Variants in LRP12 observed in about 807,000 individuals in gnomAD.
LRP12 encodes the protein LDL receptor related protein 12, also known as low-density lipoprotein receptor-related protein 12.
LRP12 carries 14 observed loss-of-function variants against 66.0 expected under a neutral mutation model. The observed-to-expected ratio is 0.21, with a 90% confidence interval of 0.14 to 0.33. The LOEUF is 0.33. Ranked by LOEUF, LRP12 falls within the 10% of genes least tolerant of loss-of-function variation. The pLI is 1.00. For missense variants in LRP12, 889 were observed against 1,053.4 expected, an observed-to-expected ratio of 0.84 and a Z score of 2.16; for synonymous variants, 357 against 359.1, an observed-to-expected ratio of 0.99 and a Z score of 0.07.
chr8:104,501,748 T>C (rs1314254022), intron 3 of LRP12, among the ~76,000 whole-genome samples: 3 of 152,122 alleles, frequency 2.0e-5, no homozygotes, highest in Admixed American at 6.5e-5. Flanking sequence ...TAGACATGTG[T>C]ATTGCTAATA....
At chr8:104,518,793 T>C (rs561722255) in intron 2 of LRP12, among the ~76,000 whole-genome samples, 1 of 152,072 alleles carries the variant, frequency 6.6e-6, no homozygotes, top group South Asian at 2.1e-4. Flanking sequence ...TAGTTAATTA[T>C]GGGTAAGATG....
At chr8:104,559,469 G>A (rs895085055) in intron 1 of LRP12, among the ~76,000 whole-genome samples, 26 of 152,066 alleles carry the variant, frequency 1.7e-4, no homozygotes, top group Non-Finnish European at 2.5e-4. Context: ...AGAGTGAGGA[G>A]GGGTGAGCGA....
At chr8:104,503,347 A>G (rs1330792730) in intron 3 of LRP12, among the ~76,000 whole-genome samples, 2 of 150,976 alleles carry the variant, frequency 1.3e-5, no homozygotes, top group Non-Finnish European at 3.0e-5. Context: ...AAAAAAAAAA[A>G]AAAAAAAAAA....
intron 1 of LRP12, among the ~76,000 whole-genome samples, chr8:104,582,939 C>CA (rs1173976761): frequency 1.3e-5 from 2 of 152,120 alleles, no homozygotes; most frequent in Non-Finnish European, 2.9e-5. Context: ...CTTCCCACCC[C>CA]AAAACCTACA....
Position 104,499,522 on chromosome 8 carries a change from G to GA in LRP12, c.273-4dup, listed in dbSNP as rs200847463. On this transcript the variant is annotated splice_polypyrimidine_tract_variant and splice_region_variant and intron_variant, in intron 3 of 6. Coordinates refer to ENST00000276654, the MANE Select transcript of LRP12 (RefSeq NM_013437.5). ...CTTGAATATCAAAATCCTGAAAACT[G>GA]AAAAAAAAATCAGAAATGTCTATTA... 4.5e-3 allele frequency: 6,912 copies of GA among 1,532,084 alleles called. 20 individuals carry two copies. Among genetic ancestry groups the GA allele is most frequent in the Non-Finnish European group, 5.7e-3 (6,439 of 1,138,372 alleles). 94.9% of individuals were successfully genotyped at this position (1,532,084 alleles called of 1,614,324 possible). A position where few individuals can be genotyped will look rare whatever the true frequency, so the allele number is the denominator to read the frequency against.
chr8:104,532,932 A>C (rs1049585507), intron 1 of LRP12, among the ~76,000 whole-genome samples: 1 of 152,086 alleles, frequency 6.6e-6, no homozygotes, highest in Non-Finnish European at 1.5e-5. Context: ...TTAAAATGAA[A>C]TCATGCCCAT....
chr8:104,546,630 G>C (rs1811561870), intron 1 of LRP12, among the ~76,000 whole-genome samples: 1 of 151,776 alleles, frequency 6.6e-6, no homozygotes, highest in East Asian at 1.9e-4. Context: ...CTCAAATCCA[G>C]ATTTACCCAA....
At chr8:104,512,142 C>T (rs1304317596) in intron 2 of LRP12, among the ~76,000 whole-genome samples, 2 of 152,066 alleles carry the variant, frequency 1.3e-5, no homozygotes, top group Non-Finnish European at 2.9e-5. Context: ...CATGGTGAAA[C>T]CCCATCTCTA....
At chr8:104,510,204 T>G (rs1175369829) in intron 2 of LRP12, among the ~76,000 whole-genome samples, 2 of 152,344 alleles carry the variant, frequency 1.3e-5, no homozygotes, top group Non-Finnish European at 2.9e-5. Flanking sequence ...AACAGTAAGA[T>G]GCTGGATTGT....
chr8:104,576,992 AAAG>A (rs1373719539), intron 1 of LRP12, among the ~76,000 whole-genome samples: 6 of 152,246 alleles, frequency 3.9e-5, no homozygotes, highest in Admixed American at 6.5e-5. Flanking sequence ...CGAAAAAGAC[AAAG>A]AAGAACATTA....
At chr8:104,544,122 A>C (rs1271886811) in intron 1 of LRP12, among the ~76,000 whole-genome samples, 1 of 152,222 alleles carries the variant, frequency 6.6e-6, no homozygotes, top group Non-Finnish European at 1.5e-5. Context: ...GATAGAGAGA[A>C]AGTTTTGATG....
intron 1 of LRP12, among the ~76,000 whole-genome samples, chr8:104,546,285 A>C (rs1811555069): frequency 6.6e-6 from 1 of 152,110 alleles, no homozygotes. Flanking sequence ...AAATCCATCA[A>C]CTTCAAGGGT....
chr8:104,554,583 G>A (rs912346680), intron 1 of LRP12, among the ~76,000 whole-genome samples: 2 of 151,750 alleles, frequency 1.3e-5, no homozygotes, highest in African/African-American at 2.4e-5. Context: ...AAGGAAAAAA[G>A]AATTAAAAAT....
intron 5 of LRP12, chr8:104,495,903 G>A (rs1432825811): frequency 2.0e-5 from 3 of 146,838 alleles, no homozygotes; most frequent in Non-Finnish European, 4.5e-5. Flanking sequence ...CCGGGTGACA[G>A]AGCAAGACTC....
chr8:104,531,947 T>C lies in LRP12; in HGVS notation c.96A>G (p.Ala32=). The part of the protein sequence containing the change: ...LAGVYGNGAL[A]EHSENVHISG... ...AAATATGCACATTTTCAGAATGTTC[T>C]GCAAGAGCACCATTTCCTAAAATTA... The change falls in exon 2 of 7, where the codon GCA becomes GCG. Residue 32 remains alanine (A), a synonymous_variant. Transcript: ENST00000276654. 6.3e-7 allele frequency: 1 copy of C among 1,588,812 alleles called. No individual in the cohort carries two copies. The highest frequency in any genetic ancestry group is 8.5e-7 in the Non-Finnish European group (1 of 1,169,736).
chr8:104,516,396 C>G (rs1305099261), intron 2 of LRP12, among the ~76,000 whole-genome samples: 1 of 150,920 alleles, frequency 6.6e-6, no homozygotes, highest in Non-Finnish European at 1.5e-5. Context: ...AATGGTTAAA[C>G]TATATGAAAA....
intron 1 of LRP12, among the ~76,000 whole-genome samples, chr8:104,540,614 G>A (rs1811461603): frequency 6.6e-6 from 1 of 151,978 alleles, no homozygotes; most frequent in African/African-American, 2.4e-5. Context: ...TTTTAATTGT[G>A]GCCATCCATT....
At chr8:104,542,799 ATC>A (rs1564140064) in intron 1 of LRP12, among the ~76,000 whole-genome samples, 2 of 152,100 alleles carry the variant, frequency 1.3e-5, no homozygotes, top group Non-Finnish European at 2.9e-5. Context: ...CATTAAGAAA[ATC>A]ACAAGGAATA....
Position 104,580,710 on chromosome 8 carries a change from G to A in LRP12, c.79+8109C>T, listed in dbSNP as rs572700571. 9.9e-5 allele frequency among the ~76,000 whole-genome samples: 15 copies of A among 152,206 alleles called. No individual in the cohort carries two copies. In the South Asian group the frequency reaches 3.1e-3, roughly 32 times the overall value. ...GCTCAACATCACCAATCAGAGAAAT[G>A]CAAATCAAAACCACAATGAGATACC... On this transcript the variant is annotated intron_variant, in intron 1 of 6. Coordinates refer to ENST00000276654, the MANE Select transcript of LRP12 (RefSeq NM_013437.5).
Sources: allele counts gnomAD v4.1 joint callset (sites outside exome capture counted in the v4.1 genomes callset), GRCh38; gene constraint gnomAD v4.1.1; transcripts MANE v1.5; gene names NCBI Gene and HGNC (gene_info 2026-07-23, HGNC 2026-07-21).